The following TMEFF2 variants were observed in gnomAD, a reference collection of about 807,000 sequenced individuals.
The protein encoded by TMEFF2 is transmembrane protein with EGF like and two follistatin like domains 2.
In TMEFF2, 28 loss-of-function variants were observed where a neutral mutation model predicts 53.8. That is an observed-to-expected ratio of 0.52 (90% CI 0.39 to 0.71). The LOEUF (loss-of-function observed/expected upper bound fraction) is 0.71, where lower values mean the gene tolerates loss of function less well. Among genes scored for constraint, TMEFF2 ranks in the 30% least tolerant of loss-of-function variants. The pLI is 0.00. For synonymous variants in TMEFF2, 162 were observed against 166.3 expected (o/e 0.97, Z 0.20); for missense variants, 353 against 455.2 (o/e 0.78, Z 2.04).
intron 2 of TMEFF2, 97 bp from the exon 3 acceptor site, chr2:192,184,580 G>T: frequency 1.4e-6 from 2 of 1,448,618 alleles, no homozygotes; most frequent in Non-Finnish European, 1.9e-6. Flanking sequence ...GAAACCACTT[G>T]TCTTCATTTT....
chr2:191,996,349 T>C (rs1202052055), intron 7 of TMEFF2, among the ~76,000 whole-genome samples: 1 of 151,956 alleles, frequency 6.6e-6, no homozygotes, highest in East Asian at 1.9e-4. Flanking sequence ...CTAAAGAAGA[T>C]ATGCATAAAT....
chr2:192,120,678 G>T (rs1689528690), intron 4 of TMEFF2, among the ~76,000 whole-genome samples: 1 of 152,034 alleles, frequency 6.6e-6, no homozygotes, highest in Admixed American at 6.5e-5. Context: ...GTTTCTATTT[G>T]CCTTGAGCAA....
chr2:192,037,273 TAAAGAAAGAAAGAAA>T lies in TMEFF2; in HGVS notation c.536+20391_536+20405del, dbSNP rs1255112553. The stretch of plus-strand genomic sequence containing the variant: ...AATGCACTTCTAAGACTAGCCAAAA[TAAAGAAAGAAAGAAA>T]GAAAGAAAGAAAGAAAGAAAGAAAG... On this transcript the variant is annotated intron_variant, in intron 5 of 9. Coordinates refer to ENST00000272771, the MANE Select transcript of TMEFF2 (RefSeq NM_016192.4). Among the ~76,000 whole-genome samples, 10 of 94,764 alleles carry T rather than the reference TAAAGAAAGAAAGAAA, an allele frequency of 1.1e-4. No individual in the cohort carries two copies. The South Asian group carries it at 1.5e-3, about 14-fold the overall frequency. The allele number at this position is 94,764 out of a possible 152,430, so 62.2% of individuals were successfully genotyped here.
chr2:192,050,871 C>T (rs1687752128), intron 5 of TMEFF2, among the ~76,000 whole-genome samples: 2 of 152,152 alleles, frequency 1.3e-5, no homozygotes, highest in Admixed American at 6.5e-5. Flanking sequence ...TTGGACACAC[C>T]TTTGCTAAAA....
chr2:191,987,363 T>C (rs1686001927), intron 7 of TMEFF2, among the ~76,000 whole-genome samples: 1 of 152,054 alleles, frequency 6.6e-6, no homozygotes, highest in African/African-American at 2.4e-5. Flanking sequence ...TACTTTGTTA[T>C]AGACATCGAA....
chr2:192,079,516 G>T (rs1399050268), intron 4 of TMEFF2, among the ~76,000 whole-genome samples: 1 of 152,166 alleles, frequency 6.6e-6, no homozygotes, highest in Non-Finnish European at 1.5e-5. Flanking sequence ...GTGGATCAAA[G>T]CTGTTCATCT....
intron 4 of TMEFF2, among the ~76,000 whole-genome samples, chr2:192,162,263 T>A (rs1298810646): frequency 6.6e-6 from 1 of 152,136 alleles, no homozygotes; most frequent in African/African-American, 2.4e-5. Flanking sequence ...GAAACAAATA[T>A]GAGAAACCCC....
intron 4 of TMEFF2, among the ~76,000 whole-genome samples, chr2:192,123,892 A>T (rs1194517943): frequency 6.6e-6 from 1 of 152,198 alleles, no homozygotes; most frequent in Non-Finnish European, 1.5e-5. Flanking sequence ...TTTCATTTTG[A>T]TTGAGCAGGA....
intron 5 of TMEFF2, among the ~76,000 whole-genome samples, chr2:192,010,902 C>T (rs955707441): frequency 1.2e-4 from 18 of 152,166 alleles, no homozygotes; most frequent in African/African-American, 4.3e-4. Flanking sequence ...AACAAGAGGA[C>T]ATGTAAATCC....
At chr2:192,127,341 C>A (rs1689701111) in intron 4 of TMEFF2, among the ~76,000 whole-genome samples, 1 of 152,158 alleles carries the variant, frequency 6.6e-6, no homozygotes. Flanking sequence ...ATATCACAGG[C>A]CACGTAATTC....
At chr2:192,026,979 C>G (rs1246897999) in intron 5 of TMEFF2, among the ~76,000 whole-genome samples, 1 of 152,214 alleles carries the variant, frequency 6.6e-6, no homozygotes, top group Non-Finnish European at 1.5e-5. Context: ...AATATAAATG[C>G]CAATGGAACA....
At chr2:192,133,066 C>T (rs148286778) in intron 4 of TMEFF2, among the ~76,000 whole-genome samples, 2,866 of 151,846 alleles carry the variant, frequency 0.019, 28 homozygotes, top group Non-Finnish European at 0.03. Flanking sequence ...TAGGTATTGA[C>T]GGCCAGGCTT....
Position 191,998,335 on chromosome 2 carries a change from T to C in TMEFF2, c.686-14A>G. 6.3e-7 allele frequency: 1 copy of C among 1,577,708 alleles called. No homozygotes were observed. The highest frequency in any genetic ancestry group is 8.6e-7 in the Non-Finnish European group (1 of 1,157,996). On this transcript the variant is annotated splice_polypyrimidine_tract_variant and intron_variant, in intron 6 of 9. Transcript: ENST00000272771. ...TAGTTGTGTTATCTGTGTTAAAAAA[T>C]TAACAATAAAAATTGATTAACTGCT...
chr2:192,141,117 T>C (rs142902693), intron 4 of TMEFF2, among the ~76,000 whole-genome samples: 1 of 152,200 alleles, frequency 6.6e-6, no homozygotes, highest in African/African-American at 2.4e-5. Context: ...GAGAGGGTCC[T>C]GGAACCAGAG....
Position 191,950,230 on chromosome 2 carries a change from C to G in TMEFF2, c.*81G>C. 1.3e-6 allele frequency: 2 copies of G among 1,542,298 alleles called. No individual in the cohort carries two copies. The highest frequency in any genetic ancestry group is 2.4e-5 in the South Asian group (2 of 83,982). ...AATGCAAGGCAACATGTGTAGATCTCTTGTCTTATTCTTTTGTCTATAATA... is the reference window on the plus strand; with the variant it reads ...AATGCAAGGCAACATGTGTAGATCTGTTGTCTTATTCTTTTGTCTATAATA... On this transcript the variant is annotated 3_prime_UTR_variant, in exon 10 of 10. Transcript: ENST00000272771.
At chr2:192,103,104 A>G (rs1343325913) in intron 4 of TMEFF2, among the ~76,000 whole-genome samples, 1 of 152,140 alleles carries the variant, frequency 6.6e-6, no homozygotes, top group Admixed American at 6.5e-5. Context: ...ATTAAATTCT[A>G]TTCTATCAAT....
chr2:192,027,858 C>T (rs1224463509), intron 5 of TMEFF2: 1 of 152,230 alleles, frequency 6.6e-6, no homozygotes, highest in East Asian at 1.9e-4. Flanking sequence ...CCCCTTGCCA[C>T]CTTGTTCACA....
chr2:192,024,083 A>T (rs771788518), intron 5 of TMEFF2, among the ~76,000 whole-genome samples: 9 of 152,144 alleles, frequency 5.9e-5, no homozygotes, highest in Non-Finnish European at 1.3e-4. Flanking sequence ...TTGCTAAGGC[A>T]CAATATTCCC....
At chr2:191,961,128 G>A (rs150939768) in intron 7 of TMEFF2, among the ~76,000 whole-genome samples, 1 of 152,252 alleles carries the variant, frequency 6.6e-6, no homozygotes, top group Non-Finnish European at 1.5e-5. Flanking sequence ...TATGGGACAT[G>A]CTACCTTTTG....
Sources: allele counts gnomAD v4.1 joint callset (sites outside exome capture counted in the v4.1 genomes callset), GRCh38; gene constraint gnomAD v4.1.1; transcripts MANE v1.5; gene names NCBI Gene and HGNC (gene_info 2026-07-23, HGNC 2026-07-21).